JDP2: variants seen among roughly 807,000 people sequenced by gnomAD.
JDP2 encodes the protein Jun dimerization protein 2.
Under a neutral mutation model 17.1 loss-of-function variants are expected in JDP2, and 9 were observed. The ratio of observed to expected loss-of-function variants is 0.53; its 90% CI spans 0.32 to 0.92. The LOEUF (loss-of-function observed/expected upper bound fraction) is 0.92. JDP2 is among the 40% of genes least tolerant of loss of function. The pLI, the probability that JDP2 is intolerant of heterozygous loss-of-function variation, is 0.04. For synonymous variants in JDP2, 107 were observed against 95.6 expected, an observed-to-expected ratio of 1.12 and a Z score of -0.69; for missense variants, 179 against 220.0, an observed-to-expected ratio of 0.81 and a Z score of 1.18.
Position 75,462,105 on chromosome 14 carries a change from G to T in JDP2, c.306+575G>T, listed in dbSNP as rs75136662. ...TAAGAGGTCAGCTCTGCATGTAGAG[G>T]TCAGCCAGGGGTTGCTTTTCCTCCT... On this transcript the variant is annotated intron_variant, in intron 3 of 3. Transcript: ENST00000651602. Among the ~76,000 whole-genome samples the T allele has an allele frequency of 3.0e-3, 460 of 152,348 alleles. 2 individuals carry two copies. Among genetic ancestry groups the T allele is most frequent in the African/African-American group, 0.01 (428 of 41,572 alleles).
intron 3 of JDP2, among the ~76,000 whole-genome samples, chr14:75,464,177 C>T (rs1022291200): frequency 4.6e-5 from 7 of 152,212 alleles, no homozygotes; most frequent in African/African-American, 1.7e-4. Context: ...GGCATGAATG[C>T]AGGCGGCTGT....
chr14:75,434,886 G>A (rs1884990326), intron 1 of JDP2, among the ~76,000 whole-genome samples: 1 of 148,086 alleles, frequency 6.8e-6, no homozygotes, highest in Admixed American at 6.6e-5. Context: ...ATTTTGCTCT[G>A]CTGTGAATTT....
At chr14:75,459,228 C>T (rs1226583369) in intron 2 of JDP2, among the ~76,000 whole-genome samples, 1 of 152,196 alleles carries the variant, frequency 6.6e-6, no homozygotes, top group Non-Finnish European at 1.5e-5. Flanking sequence ...TCCTCCAGTT[C>T]CTTCCCTCTG....
intron 2 of JDP2, among the ~76,000 whole-genome samples, chr14:75,456,949 G>A (rs1279052923): frequency 6.6e-6 from 1 of 152,194 alleles, no homozygotes; most frequent in Non-Finnish European, 1.5e-5. Flanking sequence ...CCAATGTGAA[G>A]TGTGGCACAG....
chr14:75,428,034 A>G lies in JDP2; in HGVS notation c.-242A>G, dbSNP rs1884601211. The G allele has an allele frequency of 6.7e-6, 1 of 149,362 alleles. No homozygotes were observed. The highest frequency in any genetic ancestry group is 2.1e-4 in the South Asian group (1 of 4,840). 9.3% of individuals were successfully genotyped at this position (149,362 alleles called of 1,614,324 possible). On this transcript the variant is annotated 5_prime_UTR_variant, in exon 1 of 4. Transcript: ENST00000651602. This position sits in a 1 kb window ranked among gnomAD's most constrained non-coding sequence, Gnocchi z 5.6. ...TGCAACCCGTCCCGCCGCCCGCCAC[A>G]GCCTGCGGGAGGGACGCTCGGCGGC...
intron 2 of JDP2, among the ~76,000 whole-genome samples, chr14:75,450,831 T>C (rs542006045): frequency 6.6e-6 from 1 of 152,156 alleles, no homozygotes; most frequent in Non-Finnish European, 1.5e-5. Flanking sequence ...CCCAGTTTAA[T>C]GGAGGAGTCA....
At chr14:75,456,264 T>C (rs765166268) in intron 2 of JDP2, among the ~76,000 whole-genome samples, 1 of 152,222 alleles carries the variant, frequency 6.6e-6, no homozygotes, top group Admixed American at 6.5e-5. Context: ...GTCTGTGCCG[T>C]TGGCTTCTGT....
upstream of JDP2, chr14:75,427,024 C>T (rs1341583623): frequency 6.6e-6 from 1 of 152,276 alleles, no homozygotes; most frequent in Non-Finnish European, 1.5e-5. The surrounding 1 kb of genome is among the most constrained non-coding windows in gnomAD (Gnocchi z 4.4). Flanking sequence ...ATCTAGGGAA[C>T]CCCGTTCTAC....
At chr14:75,435,211 C>T (rs1043348526) in intron 1 of JDP2, among the ~76,000 whole-genome samples, 3 of 152,230 alleles carry the variant, frequency 2.0e-5, no homozygotes, top group Admixed American at 6.5e-5. Context: ...CTGCAGCCCT[C>T]TCTGCATTGC....
intron 2 of JDP2, 73 bp from the exon 3 acceptor site, chr14:75,461,349 CTCTG>C (rs1444685354): frequency 2.3e-5 from 25 of 1,085,888 alleles, no homozygotes; most frequent in African/African-American, 1.5e-5. Flanking sequence ...GAAGTTGTCC[CTCTG>C]TCTATGTGTC....
rs114442265 is a variant in JDP2, at chr14:75,456,458, G to A, written c.202-4968G>A. ...CCTGGGTGAGGTGCCCGGGGGCGTG[G>A]CATGTAGGGAGGTGCTTCCTCTTTG... On this transcript the variant is annotated intron_variant, in intron 2 of 3. Transcript: ENST00000651602. 7.9e-3 allele frequency among the ~76,000 whole-genome samples: 1,202 copies of A among 152,286 alleles called. 11 individuals are homozygous for A. The highest frequency in any genetic ancestry group is 0.027 in the African/African-American group (1,142 of 41,552).
chr14:75,441,165 C>T (rs1232215708), intron 2 of JDP2, among the ~76,000 whole-genome samples: 9 of 151,866 alleles, frequency 5.9e-5, no homozygotes, highest in Non-Finnish European at 1.0e-4. Context: ...GAGAGCGAGC[C>T]GGCTGAGCCG....
At position 75,461,564 on chromosome 14, in the gene JDP2, T is replaced by A. The variant is rs778578063; in HGVS notation, c.306+34T>A. 3.4e-6 allele frequency: 5 copies of A among 1,477,544 alleles called. No individual in the cohort carries two copies. The Admixed American group carries it at 9.6e-5, about 29-fold the overall frequency. The allele number at this position is 1,477,544 out of a possible 1,614,324, so 91.5% of individuals were successfully genotyped here. A position where few individuals can be genotyped will look rare whatever the true frequency, so the allele number is the denominator to read the frequency against. ...ACCGGGTGGGTGGGGAGGCCTGCCATTCCTTGGAGTGAGCTTGTGTACTCT... is the reference window on the plus strand; with the variant it reads ...ACCGGGTGGGTGGGGAGGCCTGCCAATCCTTGGAGTGAGCTTGTGTACTCT... On this transcript the variant is annotated intron_variant, in intron 3 of 3. Transcript: ENST00000651602.
chr14:75,438,233 C>G, intron 2 of JDP2, 112 bp downstream of exon 2: 1 of 782,980 alleles, frequency 1.3e-6, no homozygotes, highest in Non-Finnish European at 2.0e-6. Context: ...TCCGTACCAC[C>G]CTGGGGTTAT....
intron 2 of JDP2, among the ~76,000 whole-genome samples, chr14:75,454,637 A>G (rs985213966): frequency 6.6e-6 from 1 of 152,170 alleles, no homozygotes; most frequent in African/African-American, 2.4e-5. Flanking sequence ...TGAAAAAGAT[A>G]AGTGCTGTTA....
rs963499834 is a variant in JDP2 at position 75,471,412 on chromosome 14, A to G, written c.*1937A>G. ...GGAGAGGTGTTTTTAGCTTCCTTGT[A>G]TACTGAAGCTTGCAAAGGCTACAGT... On this transcript the variant is annotated 3_prime_UTR_variant, in exon 4 of 4. Transcript: ENST00000651602. 6.6e-6 allele frequency: 1 copy of G among 152,246 alleles called. No individual in the cohort carries two copies. The highest frequency in any genetic ancestry group is 1.5e-5 in the Non-Finnish European group (1 of 68,056). 9.4% of individuals were successfully genotyped at this position (152,246 alleles called of 1,614,324 possible). A position where few individuals can be genotyped will look rare whatever the true frequency, so the allele number is the denominator to read the frequency against.
intron 1 of JDP2, among the ~76,000 whole-genome samples, chr14:75,432,641 C>A (rs149176093): frequency 6.6e-6 from 1 of 152,226 alleles, no homozygotes; most frequent in East Asian, 1.9e-4. Flanking sequence ...TCCTATTCCT[C>A]GTGGCAGCCC....
chr14:75,444,253 G>A (rs548052049), intron 2 of JDP2, among the ~76,000 whole-genome samples: 3 of 152,330 alleles, frequency 2.0e-5, no homozygotes, highest in Non-Finnish European at 4.4e-5. Context: ...TTCACATGAT[G>A]CCTGGCACTT....
chr14:75,447,727 G>A (rs921200766), intron 2 of JDP2, among the ~76,000 whole-genome samples: 2 of 151,862 alleles, frequency 1.3e-5, no homozygotes, highest in African/African-American at 2.4e-5. Flanking sequence ...GCGTGATCTC[G>A]GCTCACTGCA....
Sources: gnomAD v4.1 joint callset for allele counts (sites outside exome capture counted in the v4.1 genomes callset) on GRCh38, gnomAD v4.1.1 for gene constraint, Gnocchi (gnomAD v3.1) non-coding constraint, MANE v1.5 for transcripts, NCBI Gene and HGNC (gene_info 2026-07-23, HGNC 2026-07-21) for gene names.